The following SCAND1 variants were observed in gnomAD, a reference collection of about 807,000 sequenced individuals.
SCAND1 encodes SCAN domain containing 1.
A neutral mutation model predicts 3.4 loss-of-function variants in SCAND1; 3 were observed. The observed-to-expected ratio is 0.87, with a 90% CI of 0.40 to 2.25. SCAND1 has a LOEUF of 2.25. Among genes scored for constraint, SCAND1 ranks in the 30% most tolerant of loss-of-function variants. The pLI is 0.05. For missense variants in SCAND1, 303 were observed against 258.8 expected (o/e 1.17, Z -1.17); for synonymous variants, 152 against 120.5 (o/e 1.26, Z -1.72).
chr20:35,955,107 T>G (rs1374597430), upstream of SCAND1: 1 of 171,018 alleles, frequency 5.8e-6, no homozygotes, highest in Non-Finnish European at 1.4e-5. Flanking sequence ...TGGGTTCTGT[T>G]AACGTCAGCA....
At position 35,954,270 on chromosome 20, in the gene SCAND1, C is replaced by A. The variant is rs1243165413; in HGVS notation, c.15G>T (p.Glu5Asp). 1 of 1,612,530 alleles carries A rather than the reference C, an allele frequency of 6.2e-7. No individual in the cohort carries two copies. Among genetic ancestry groups the A allele is most frequent in the Non-Finnish European group, 8.5e-7 (1 of 1,179,810 alleles). Residue 5 changes from glutamate to aspartate, a missense_variant, in exon 2 of 2, where the codon GAG (glutamate) becomes GAT (aspartate). Physicochemically the swap from Glu to Asp is conservative, Grantham distance 45. Coordinates refer to ENST00000305978, the MANE Select transcript of SCAND1 (RefSeq NM_033630.3). The stretch of plus-strand genomic sequence containing the variant: ...GACTCCCAGTGGCCGCCAAGATCGG[C>A]TCCGTAGCCGCCATAACTCCAGCTC... Reference protein sequence around the residue: MAATEPILAATGSPA... With the variant: MAATDPILAATGSPA...
At chr20:35,954,862 G>T, upstream of SCAND1, 1 of 304,150 alleles carries the variant, frequency 3.3e-6, no homozygotes, top group Non-Finnish European at 6.8e-6. Context: ...GCTCGTTCGA[G>T]TGGCGCCCGG....
chr20:35,956,217 A>C (rs2056255408), upstream of SCAND1, among the ~76,000 whole-genome samples: 3 of 152,194 alleles, frequency 2.0e-5, no homozygotes, highest in South Asian at 6.2e-4. Context: ...TTTCCTTTGG[A>C]TGGGTAGAAG....
At chr20:35,957,252 C>G (rs982261585), upstream of SCAND1, among the ~76,000 whole-genome samples, 2 of 152,090 alleles carry the variant, frequency 1.3e-5, no homozygotes, top group African/African-American at 4.8e-5. Context: ...AGTGATTCAG[C>G]AGTAAAAAAA....
In SCAND1 at chr20:35,954,487, T is replaced by C. The variant is rs1431041964; in HGVS notation, c.-95A>G. On this transcript the variant is annotated 5_prime_UTR_variant, in exon 1 of 2. Transcript: ENST00000305978. ...CGCCTGCGGCAGCCGGAAGCGAAAG[T>C]CTCTGGCTTCTCTGCGTCCAGGTCG... The C allele has an allele frequency of 1.2e-5, 18 of 1,543,158 alleles. No individual in the cohort carries two copies. The highest frequency in any genetic ancestry group is 1.6e-5 in the Non-Finnish European group (18 of 1,143,448).
chr20:35,954,442 G>A lies in SCAND1; in HGVS notation c.-56+6C>T, dbSNP rs146120217. Reference sequence around the variant, plus strand: ...TCGGGACCGGCCGAGAGTGTGCGGAGCTTACCTGCACCAGCGAAGCGCCTG... The same window carrying A: ...TCGGGACCGGCCGAGAGTGTGCGGAACTTACCTGCACCAGCGAAGCGCCTG... On this transcript the variant is annotated splice_donor_region_variant and intron_variant, in intron 1 of 1. Transcript: ENST00000305978. The A allele has an allele frequency of 2.1e-3, 3,195 of 1,549,664 alleles. 8 individuals carry two copies. Among genetic ancestry groups the A allele is most frequent in the Non-Finnish European group, 2.2e-3 (2,495 of 1,146,900 alleles).
At position 35,953,722 on chromosome 20, in the gene SCAND1, C is replaced by T. The variant is rs6119682; in HGVS notation, c.*23G>A. 3,253 of 1,406,408 alleles carry T rather than the reference C, an allele frequency of 2.3e-3. 55 individuals are homozygous for T. In the African/African-American group the frequency reaches 0.039, roughly 17 times the overall value. 87.1% of individuals were successfully genotyped at this position (1,406,408 alleles called of 1,614,324 possible). On this transcript the variant is annotated 3_prime_UTR_variant, in exon 2 of 2. Coordinates refer to ENST00000305978, the MANE Select transcript of SCAND1 (RefSeq NM_033630.3). ...CCCAGTCCGCACAGAGCGCCCGGCC[C>T]TGGCCGCCCGCAGCTCCACCGCTCA...
chr20:35,957,018 T>C (rs949523989), upstream of SCAND1, among the ~76,000 whole-genome samples: 1 of 152,158 alleles, frequency 6.6e-6, no homozygotes, highest in Non-Finnish European at 1.5e-5. Flanking sequence ...AATTTAGTTA[T>C]TATCTTCTTG....
upstream of SCAND1, chr20:35,959,456 A>C (rs2056288953): frequency 6.6e-6 from 1 of 152,580 alleles, no homozygotes; most frequent in South Asian, 2.1e-4. Flanking sequence ...GGTGGAAGAC[A>C]AGGAGGAGCA....
chr20:35,954,021 T>C lies in SCAND1; in HGVS notation c.264A>G (p.Glu88=), dbSNP rs35553991. The part of the protein sequence containing the change: ...PAPVSVAPQA[E]AEARSTPGPA... ...GGCCTGGTGTGGAGCGCGCTTCAGC[T>C]TCGGCCTGAGGCGCTACGCTCACGG... is the stretch of plus-strand genomic sequence containing the variant. The change falls in exon 2 of 2, where the codon GAA becomes GAG. Residue 88 remains glutamate (E), a synonymous_variant. Coordinates refer to ENST00000305978, the MANE Select transcript of SCAND1 (RefSeq NM_033630.3). The C allele has an allele frequency of 6.5e-5, 100 of 1,546,264 alleles. No homozygotes were observed. In the African/African-American group the frequency reaches 1.3e-3, roughly 20 times the overall value.
intron 1 of SCAND1, 22 bp downstream of exon 1, chr20:35,954,426 G>C (rs1205449628): frequency 1.9e-6 from 3 of 1,550,690 alleles, no homozygotes; most frequent in African/African-American, 1.4e-5. Flanking sequence ...CTCGGGACCG[G>C]CCGAGAGTGT....
At chr20:35,958,329 G>A (rs6121105), upstream of SCAND1, among the ~76,000 whole-genome samples, 882 of 152,272 alleles carry the variant, frequency 5.8e-3, 9 homozygotes, top group African/African-American at 0.02. Context: ...CTACTTGGGA[G>A]GCTGAGGCAG....
Position 35,954,353 on chromosome 20 carries a change from G to A in SCAND1, c.-55-14C>T. The A allele has an allele frequency of 6.2e-7, 1 of 1,603,076 alleles. No homozygotes were observed. Among genetic ancestry groups the A allele is most frequent in the Non-Finnish European group, 8.5e-7 (1 of 1,174,802 alleles). On this transcript the variant is annotated splice_polypyrimidine_tract_variant and intron_variant, in intron 1 of 1. Coordinates refer to ENST00000305978, the MANE Select transcript of SCAND1 (RefSeq NM_033630.3). ...TCAGCACTGCGTCTGCGCGGGGGTG[G>A]GGTGAGCAGGGAGACGTTTCCGGTT...
At chr20:35,954,620 G>C, upstream of SCAND1, 1 of 1,345,312 alleles carries the variant, frequency 7.4e-7, no homozygotes, top group Non-Finnish European at 9.8e-7. Flanking sequence ...AGGGCGAGCT[G>C]CGCGTGGCCT....
At chr20:35,958,198 C>T (rs964603679), upstream of SCAND1, among the ~76,000 whole-genome samples, 2 of 151,978 alleles carry the variant, frequency 1.3e-5, no homozygotes, top group African/African-American at 2.4e-5. Flanking sequence ...TTTGGGAGGC[C>T]GAGGCAGGCG....
At chr20:35,954,672 G>A (rs922677575), upstream of SCAND1, 1 of 1,192,796 alleles carries the variant, frequency 8.4e-7, no homozygotes. Context: ...GCCAGTTCGA[G>A]GAGGAGTCGG....
chr20:35,959,017 A>T (rs2056284610), upstream of SCAND1: 1 of 152,200 alleles, frequency 6.6e-6, no homozygotes, highest in South Asian at 2.1e-4. Context: ...ATATTTAACC[A>T]TCCATTGAAG....
chr20:35,955,738 C>A (rs1041956490), upstream of SCAND1, among the ~76,000 whole-genome samples: 1 of 152,108 alleles, frequency 6.6e-6, no homozygotes, highest in African/African-American at 2.4e-5. Flanking sequence ...AGGTGGTTTT[C>A]TGTTTGGTAG....
chr20:35,954,752 A>G (rs2147154786), upstream of SCAND1: 1 of 660,402 alleles, frequency 1.5e-6, no homozygotes, highest in Non-Finnish European at 2.2e-6. Context: ...TTCGGTTTGC[A>G]GGTGACCTTT....
Sources: gnomAD v4.1 joint callset for allele counts (sites outside exome capture counted in the v4.1 genomes callset) on GRCh38, gnomAD v4.1.1 for gene constraint, MANE v1.5 for transcripts, NCBI Gene and HGNC (gene_info 2026-07-23, HGNC 2026-07-21) for gene names.